ANOS1: variants seen among roughly 807,000 people sequenced by gnomAD.
The protein encoded by ANOS1 is anosmin 1.
Under a neutral mutation model 59.0 loss-of-function variants are expected in ANOS1, and 6 were observed. The observed-to-expected ratio is 0.10, with a 90% CI of 0.06 to 0.20. The LOEUF (loss-of-function observed/expected upper bound fraction) is 0.20. Ranked by LOEUF, ANOS1 falls within the 10% of genes least tolerant of loss-of-function variation. ANOS1 has a pLI of 1.00. For synonymous variants in ANOS1, 217 were observed against 223.4 expected (o/e 0.97, Z 0.25); for missense variants, 433 against 542.3 (o/e 0.80, Z 2.00).
At chrX:8,534,636 T>C (rs1423886682) in intron 12 of ANOS1, among the ~76,000 whole-genome samples, 176 bp from the exon 13 acceptor site, 2 of 111,993 alleles carry the variant, frequency 1.8e-5, no homozygotes, top group African/African-American at 6.5e-5. Flanking sequence ...GTGGGGGTTC[T>C]CTGCCATATG....
rs756066919 is a variant in ANOS1 at position 8,587,797 on chromosome X, G to T, written c.723C>A (p.Ala241=). ...AAAGTCTATATGAGGTTCTTACCTG[G>T]GCCACTGTCTGCCAGTGAGTGGCGT... is the stretch of plus-strand genomic sequence containing the variant. ...EDDATHWQTV[A]QTTDERVQLT... is the part of the protein sequence containing the mutation. The change falls in exon 5 of 14, where the codon GCC becomes GCA. Residue 241 remains alanine, a synonymous_variant. Transcript: ENST00000262648. The T allele has an allele frequency of 4.9e-5, 59 of 1,195,248 alleles. No individual in the cohort carries two copies. Among genetic ancestry groups the T allele is most frequent in the Non-Finnish European group, 6.4e-5 (57 of 885,278 alleles).
intron 1 of ANOS1, among the ~76,000 whole-genome samples, chrX:8,713,645 C>T (rs1206998304): frequency 1.9e-5 from 2 of 107,146 alleles, no homozygotes; most frequent in Non-Finnish European, 3.9e-5. Context: ...TGGAGTCTCA[C>T]TCTGTCACCC....
intron 3 of ANOS1, among the ~76,000 whole-genome samples, chrX:8,610,362 C>CA (rs1420675598): frequency 3.6e-5 from 4 of 111,377 alleles, no homozygotes; most frequent in African/African-American, 9.8e-5. Flanking sequence ...ACAATTTTGC[C>CA]AAAAAAATGA....
chrX:8,582,080 C>T (rs141578003), intron 6 of ANOS1, among the ~76,000 whole-genome samples: 8,091 of 112,046 alleles, frequency 0.072, 267 homozygotes, highest in Admixed American at 0.13. Flanking sequence ...AAAGAAAACA[C>T]ATCTGGTCTT....
chrX:8,539,283 A>G (rs940187938), intron 10 of ANOS1, among the ~76,000 whole-genome samples: 21 of 110,932 alleles, frequency 1.9e-4, no homozygotes, highest in Non-Finnish European at 3.8e-4. Context: ...ATAGAAATCC[A>G]CTTGTACCAT....
intron 2 of ANOS1, among the ~76,000 whole-genome samples, chrX:8,652,949 G>A (rs1296419342): frequency 1.8e-5 from 2 of 110,751 alleles, no homozygotes; most frequent in African/African-American, 3.3e-5. Flanking sequence ...TCTGTCTCCC[G>A]GGTTCAAGCA....
intron 2 of ANOS1, among the ~76,000 whole-genome samples, chrX:8,687,858 T>C (rs1312661073): frequency 9.0e-6 from 1 of 111,308 alleles, no homozygotes; most frequent in Non-Finnish European, 1.9e-5. Flanking sequence ...ACAGCAAGAG[T>C]TTCTATGTTC....
At chrX:8,724,596 T>C (rs934983275) in intron 1 of ANOS1, among the ~76,000 whole-genome samples, 2 of 112,381 alleles carry the variant, frequency 1.8e-5, no homozygotes, top group Non-Finnish European at 3.8e-5. Flanking sequence ...GCAAGCAAGA[T>C]GGTGCCCATC....
rs769844411 is a variant in ANOS1, at chrX:8,728,694, G to A, written c.207+3136C>T. Among the ~76,000 whole-genome samples, 101 of 112,365 alleles carry A rather than the reference G, an allele frequency of 9.0e-4. 2 individuals carry two copies. The highest frequency in any genetic ancestry group is 4.6e-3 in the Middle Eastern group (1 of 217). On this transcript the variant is annotated intron_variant, in intron 1 of 13. Coordinates refer to ENST00000262648, the MANE Select transcript of ANOS1 (RefSeq NM_000216.4). ...GAGCCAGATACTAATATTTCAGGAG[G>A]TGCTAACATGCACTGTTTCTTTTCG...
At chrX:8,688,171 G>A (rs1390240739) in intron 2 of ANOS1, among the ~76,000 whole-genome samples, 1 of 111,751 alleles carries the variant, frequency 8.9e-6, no homozygotes, top group African/African-American at 3.3e-5. Flanking sequence ...TGACTGTCAC[G>A]GCAGAGATAA....
intron 2 of ANOS1, among the ~76,000 whole-genome samples, chrX:8,630,581 C>T (rs1931473032): frequency 8.9e-6 from 1 of 111,940 alleles, no homozygotes; most frequent in African/African-American, 3.2e-5. Context: ...AGAACTTGAC[C>T]AGCTGTAAGT....
Position 8,568,319 on chromosome X carries a change from A to G in ANOS1, c.1120T>C (p.Leu374=), listed in dbSNP as rs1252132687. 20 of 1,207,342 alleles carry G rather than the reference A, an allele frequency of 1.7e-5. No individual in the cohort carries two copies. The highest frequency in any genetic ancestry group is 3.5e-5 in the African/African-American group (2 of 57,014). ...LQPDCDYVVE[L]QAITYWGQTR... ...TGTCCCCAGTACGTTATGGCTTGCA[A>G]TTCCACAACATAGTCACAGTCTGGC... Residue 374 remains leucine (L), a synonymous_variant, in exon 8 of 14, where the codon TTG becomes CTG. Coordinates refer to ENST00000262648, the MANE Select transcript of ANOS1 (RefSeq NM_000216.4).
intron 1 of ANOS1, among the ~76,000 whole-genome samples, chrX:8,701,170 A>G (rs1932753591): frequency 9.0e-6 from 1 of 110,788 alleles, no homozygotes; most frequent in African/African-American, 3.3e-5. Context: ...CAAAGCTAGC[A>G]GAAACCATCA....
chrX:8,706,683 A>T (rs1432657958), intron 1 of ANOS1, among the ~76,000 whole-genome samples: 1 of 111,661 alleles, frequency 9.0e-6, no homozygotes, highest in Admixed American at 9.6e-5. Context: ...CCTTCTGCTC[A>T]ATTGCTGTGA....
At chrX:8,679,313 A>G (rs1299203590) in intron 2 of ANOS1, among the ~76,000 whole-genome samples, 1 of 110,965 alleles carries the variant, frequency 9.0e-6, no homozygotes, top group African/African-American at 3.3e-5. Flanking sequence ...CAGGATAAAT[A>G]TCCTATGATT....
At chrX:8,647,647 A>G (rs1931783347) in intron 2 of ANOS1, among the ~76,000 whole-genome samples, 1 of 112,350 alleles carries the variant, frequency 8.9e-6, no homozygotes, top group Admixed American at 9.5e-5. Flanking sequence ...ATGTAAAAAA[A>G]AAGTGAACTC....
rs979709906 is a variant in ANOS1 at position 8,635,744 on chromosome X, A to T, written c.256-12074T>A. Among the ~76,000 whole-genome samples, 10 of 112,330 alleles carry T rather than the reference A, an allele frequency of 8.9e-5. No individual in the cohort carries two copies. In the South Asian group the frequency reaches 2.2e-3, roughly 25 times the overall value. On this transcript the variant is annotated intron_variant, in intron 2 of 13. Transcript: ENST00000262648. ...CACACACACAGACACACAATTTTTT[A>T]AAATTATAATCTGATTATAGGACAT...
chrX:8,682,435 GA>G (rs767616104), intron 2 of ANOS1, among the ~76,000 whole-genome samples: 70 of 110,545 alleles, frequency 6.3e-4, no homozygotes, highest in African/African-American at 2.2e-3. Flanking sequence ...GAACAACAAA[GA>G]GATTTAACAC....
intron 2 of ANOS1, among the ~76,000 whole-genome samples, chrX:8,681,015 C>G (rs1932416636): frequency 9.0e-6 from 1 of 111,539 alleles, no homozygotes; most frequent in South Asian, 3.8e-4. Flanking sequence ...CATAACAAGC[C>G]TTAGTAAACA....
Sources: gnomAD v4.1 joint callset for allele counts (sites outside exome capture counted in the v4.1 genomes callset) on GRCh38, gnomAD v4.1.1 for gene constraint, MANE v1.5 for transcripts, NCBI Gene and HGNC (gene_info 2026-07-23, HGNC 2026-07-21) for gene names.